SPINK6: variants seen among roughly 807,000 people sequenced by gnomAD.
The protein encoded by SPINK6 is serine peptidase inhibitor Kazal type 6.
In SPINK6, 13 loss-of-function variants were observed where a neutral mutation model predicts 11.7. That is an observed-to-expected ratio of 1.11 (90% CI 0.72 to 1.76). The LOEUF (loss-of-function observed/expected upper bound fraction) is 1.76, where lower values mean the gene tolerates loss of function less well. Among genes scored for constraint, SPINK6 ranks in the 40% most tolerant of loss-of-function variants. SPINK6 has a pLI of 0.00. For synonymous variants in SPINK6, 21 were observed against 31.9 expected, an observed-to-expected ratio of 0.66 and a Z score of 1.15; for missense variants, 98 against 93.7, an observed-to-expected ratio of 1.05 and a Z score of -0.19.
Position 148,214,068 on chromosome 5 carries a change from C to T in SPINK6, c.197+43C>T. On this transcript the variant is annotated intron_variant, in intron 3 of 3. Transcript: ENST00000325630. ...CAAAGCTGACCCTTGCAAACACAAA[C>T]TTCCATAATAAGACTAAGACACTTT... The T allele has an allele frequency of 4.9e-6, 6 of 1,228,280 alleles. No homozygotes were observed. In the South Asian group the frequency reaches 5.0e-5, roughly 10 times the overall value. 76.1% of individuals were successfully genotyped at this position (1,228,280 alleles called of 1,614,324 possible).
At chr5:148,214,176 G>A (rs1755652780) in intron 3 of SPINK6, 151 bp downstream of exon 3, 12 of 492,288 alleles carry the variant, frequency 2.4e-5, no homozygotes, top group South Asian at 1.1e-4. Flanking sequence ...AAAACAGATG[G>A]GTCAAAAGCA....
chr5:148,209,504 G>A (rs570227060), intron 2 of SPINK6, among the ~76,000 whole-genome samples: 40 of 152,274 alleles, frequency 2.6e-4, no homozygotes, highest in African/African-American at 9.6e-4. Context: ...GATAACTTGT[G>A]TCCACATGCA....
chr5:148,204,248 A>G (rs1277861382), intron 1 of SPINK6, among the ~76,000 whole-genome samples: 1 of 152,078 alleles, frequency 6.6e-6, no homozygotes, highest in Admixed American at 6.6e-5. Context: ...TGGGTAAAGG[A>G]TTCCTGTGAT....
intron 2 of SPINK6, among the ~76,000 whole-genome samples, chr5:148,212,270 A>T (rs1755608177): frequency 6.6e-6 from 1 of 151,550 alleles, no homozygotes; most frequent in South Asian, 2.1e-4. Flanking sequence ...TTTTAAACAC[A>T]GCAACTTAGG....
chr5:148,209,979 T>TACATACACACGTAC (rs1554112238), intron 2 of SPINK6, among the ~76,000 whole-genome samples: 2 of 145,506 alleles, frequency 1.4e-5, no homozygotes, highest in East Asian at 4.2e-4. Flanking sequence ...TACGTACGTA[T>TACATACACACGTAC]GTATGTATAC....
At chr5:148,205,705 T>C (rs1412094996) in intron 1 of SPINK6, among the ~76,000 whole-genome samples, 7 of 152,154 alleles carry the variant, frequency 4.6e-5, no homozygotes, top group Non-Finnish European at 4.4e-5. Context: ...AGACCAGCGA[T>C]GATAAGGTCA....
At chr5:148,208,214 G>A (rs934512694) in intron 2 of SPINK6, among the ~76,000 whole-genome samples, 2 of 152,082 alleles carry the variant, frequency 1.3e-5, no homozygotes, top group Non-Finnish European at 2.9e-5. Context: ...GCCCCTTCCT[G>A]CCCTAACTGT....
At chr5:148,203,292 T>A (rs1755458061) in intron 1 of SPINK6, 138 bp downstream of exon 1, 1 of 645,930 alleles carries the variant, frequency 1.5e-6, no homozygotes, top group Non-Finnish European at 2.6e-6. Context: ...ATGATAATGA[T>A]TGTGATGACG....
chr5:148,205,255 G>C (rs938298675), intron 1 of SPINK6, among the ~76,000 whole-genome samples: 1 of 152,116 alleles, frequency 6.6e-6, no homozygotes, highest in African/African-American at 2.4e-5. Flanking sequence ...ATGTGTCAGA[G>C]GGATTGGGAA....
At chr5:148,203,277 T>A in intron 1 of SPINK6, 123 bp downstream of exon 1, 1 of 665,492 alleles carries the variant, frequency 1.5e-6, no homozygotes, top group Non-Finnish European at 2.5e-6. Context: ...GAGATTATCA[T>A]AATGATGATA....
chr5:148,206,897 G>C (rs939337200), intron 2 of SPINK6, among the ~76,000 whole-genome samples: 1 of 152,146 alleles, frequency 6.6e-6, no homozygotes, highest in Non-Finnish European at 1.5e-5. Flanking sequence ...TAACTAATTG[G>C]AGTTGGCAAA....
At chr5:148,204,387 T>C (rs1021482739) in intron 1 of SPINK6, among the ~76,000 whole-genome samples, 9 of 151,522 alleles carry the variant, frequency 5.9e-5, no homozygotes, top group African/African-American at 2.2e-4. Context: ...CAGAAATCAA[T>C]TGTTATTTCC....
chr5:148,206,177 T>C (rs1413107956), intron 2 of SPINK6, 119 bp downstream of exon 2: 2 of 962,440 alleles, frequency 2.1e-6, no homozygotes, highest in Admixed American at 4.3e-5. Flanking sequence ...GCAAACCTTA[T>C]GCAGACATCA....
At chr5:148,212,620 TA>T (rs1457010051) in intron 2 of SPINK6, among the ~76,000 whole-genome samples, 2 of 100,498 alleles carry the variant, frequency 2.0e-5, no homozygotes, top group African/African-American at 9.0e-5. Context: ...ATATTTATAT[TA>T]TATATTATAT....
At chr5:148,210,329 CATACATATATAT>C (rs1755575679) in intron 2 of SPINK6, among the ~76,000 whole-genome samples, 1 of 11,438 alleles carries the variant, frequency 8.7e-5, no homozygotes, top group East Asian at 3.2e-3. Flanking sequence ...TGTGTTTCTG[CATACATATATAT>C]GTGTTTCTGC....
rs113271943 is a variant in SPINK6 at position 148,214,407 on chromosome 5, A to G, written c.197+382A>G. Among the ~76,000 whole-genome samples, 1,156 of 152,312 alleles carry G rather than the reference A, an allele frequency of 7.6e-3. 18 individuals carry two copies. Among genetic ancestry groups the G allele is most frequent in the African/African-American group, 0.027 (1,109 of 41,560 alleles). ...ATAATGAACATATGTCTACACTTAT[A>G]TATAACACATCTGACTAATTAATAC... is the stretch of plus-strand genomic sequence containing the variant. On this transcript the variant is annotated intron_variant, in intron 3 of 3. Transcript: ENST00000325630.
At chr5:148,202,819 C>T (rs1281165800), upstream of SPINK6, 6 of 326,058 alleles carry the variant, frequency 1.8e-5, no homozygotes, top group South Asian at 1.1e-4. Context: ...AAAGAAGAGC[C>T]GGGAGGATGT....
intron 2 of SPINK6, among the ~76,000 whole-genome samples, chr5:148,210,067 T>G (rs1755562832): frequency 6.7e-6 from 1 of 149,082 alleles, no homozygotes; most frequent in Admixed American, 6.7e-5. Context: ...TGTATATGTA[T>G]GTATGCATAT....
At chr5:148,206,138 A>G in intron 2 of SPINK6, 80 bp downstream of exon 2, 10 of 1,513,738 alleles carry the variant, frequency 6.6e-6, no homozygotes, top group Non-Finnish European at 9.2e-6. Flanking sequence ...AAATTTGTCT[A>G]TGGTTAACAG....
Sources: allele counts gnomAD v4.1 joint callset (sites outside exome capture counted in the v4.1 genomes callset), GRCh38; gene constraint gnomAD v4.1.1; transcripts MANE v1.5; gene names NCBI Gene and HGNC (gene_info 2026-07-23, HGNC 2026-07-21).